Variants in FARS2 observed in about 807,000 individuals in gnomAD.
The protein encoded by FARS2 is phenylalanyl-tRNA synthetase 2, mitochondrial.
In FARS2, 40 loss-of-function variants were observed where a neutral mutation model predicts 46.4. The ratio of observed to expected loss-of-function variants is 0.86; its 90% CI spans 0.67 to 1.12. The LOEUF is 1.12. Among genes scored for constraint, FARS2 ranks in the 50% most tolerant of loss-of-function variants. The probability of loss-of-function intolerance (pLI) is 0.00; values close to 1 mark genes in which losing one functional copy is unlikely to be tolerated. For missense variants in FARS2, 513 were observed against 567.9 expected (o/e 0.90, Z 0.98); for synonymous variants, 234 against 214.9 (o/e 1.09, Z -0.78).
chr6:5,769,197 G>C (rs955761019), intron 6 of FARS2, among the ~76,000 whole-genome samples: 3 of 152,178 alleles, frequency 2.0e-5, no homozygotes, highest in African/African-American at 7.2e-5. Context: ...TTTGCATGTG[G>C]ATATCCAGTT....
intron 1 of FARS2, among the ~76,000 whole-genome samples, chr6:5,340,885 C>T (rs1340592430): frequency 1.3e-5 from 2 of 151,898 alleles, no homozygotes; most frequent in Non-Finnish European, 2.9e-5. Flanking sequence ...CGGTGGCTCA[C>T]GCCTGTAATC....
At chr6:5,431,667 A>G (rs569369022) in intron 4 of FARS2, 23 of 533,194 alleles carry the variant, frequency 4.3e-5, no homozygotes, top group Middle Eastern at 6.4e-4. Flanking sequence ...CCCTCTGCAT[A>G]GGCGGCGCCA....
Position 5,713,407 on chromosome 6 carries a change from T to G in FARS2, c.1218-57884T>G, listed in dbSNP as rs564922445. Among the ~76,000 whole-genome samples, 35 of 152,366 alleles carry G rather than the reference T, an allele frequency of 2.3e-4. No individual in the cohort carries two copies. The South Asian group carries it at 6.8e-3, about 30-fold the overall frequency. ...CAAATGCTTAAAAATGTGTGAATTC[T>G]GGATATTATCACAGAAAAATGAAGT... On this transcript the variant is annotated intron_variant, in intron 6 of 6. Transcript: ENST00000274680.
At chr6:5,488,376 T>C (rs1470504579) in intron 4 of FARS2, among the ~76,000 whole-genome samples, 3 of 152,212 alleles carry the variant, frequency 2.0e-5, no homozygotes, top group Non-Finnish European at 4.4e-5. Context: ...CTATCAGAGC[T>C]GAAGGATTTA....
intron 3 of FARS2, among the ~76,000 whole-genome samples, chr6:5,415,310 CTTTTT>C (rs773981175): frequency 0.013 from 708 of 53,690 alleles, 5 homozygotes; most frequent in Middle Eastern, 0.079. Flanking sequence ...CTTTTCTTTT[CTTTTT>C]TTTTTTTTTT....
chr6:5,591,066 T>C (rs950095614), intron 5 of FARS2, among the ~76,000 whole-genome samples: 36 of 152,202 alleles, frequency 2.4e-4, no homozygotes, highest in African/African-American at 8.4e-4. Flanking sequence ...ACATTACACT[T>C]TCACAATCAA....
intron 6 of FARS2, among the ~76,000 whole-genome samples, chr6:5,678,727 G>A: frequency 6.6e-6 from 1 of 152,200 alleles, no homozygotes; most frequent in East Asian, 1.9e-4. Flanking sequence ...ACCTGGCTGA[G>A]TGGTATGGAA....
chr6:5,534,622 T>C (rs905645019), intron 4 of FARS2, among the ~76,000 whole-genome samples: 51 of 152,348 alleles, frequency 3.3e-4, no homozygotes, highest in African/African-American at 1.2e-3. Context: ...TAATATTCCA[T>C]TGTGTGTAAG....
chr6:5,283,226 A>G (rs538208896), intron 1 of FARS2, among the ~76,000 whole-genome samples: 1 of 152,204 alleles, frequency 6.6e-6, no homozygotes, highest in African/African-American at 2.4e-5. Context: ...TACAAAAATT[A>G]GCTGGGCATG....
At chr6:5,639,715 G>GTAAGC (rs140344880) in intron 6 of FARS2, among the ~76,000 whole-genome samples, 8,785 of 152,262 alleles carry the variant, frequency 0.058, 361 homozygotes, top group Non-Finnish European at 0.092. Context: ...GCTCTTGAGT[G>GTAAGC]TAAGCGCTTG....
chr6:5,393,507 A>AG (rs1447658417), intron 2 of FARS2, among the ~76,000 whole-genome samples: 1 of 152,064 alleles, frequency 6.6e-6, no homozygotes, highest in East Asian at 1.9e-4. Flanking sequence ...ATACAAAAAA[A>AG]ATTAGCTGGG....
chr6:5,601,334 C>A (rs900981443), intron 5 of FARS2, among the ~76,000 whole-genome samples: 4 of 151,814 alleles, frequency 2.6e-5, no homozygotes, highest in Non-Finnish European at 4.4e-5. Context: ...CCAGCCTGAC[C>A]AACATGGAGA....
chr6:5,752,202 A>C (rs1761986704), intron 6 of FARS2, among the ~76,000 whole-genome samples: 1 of 152,220 alleles, frequency 6.6e-6, no homozygotes, highest in Non-Finnish European at 1.5e-5. Context: ...AAATCTGTGC[A>C]AAATTAGAGC....
chr6:5,593,358 C>T (rs1774028832), intron 5 of FARS2, among the ~76,000 whole-genome samples: 1 of 151,102 alleles, frequency 6.6e-6, no homozygotes, highest in Admixed American at 6.6e-5. Context: ...ACCCAGTAAA[C>T]AGTTATCTTC....
intron 4 of FARS2, among the ~76,000 whole-genome samples, chr6:5,480,612 C>T (rs1766393268): frequency 6.6e-6 from 1 of 152,180 alleles, no homozygotes; most frequent in African/African-American, 2.4e-5. Flanking sequence ...GTAAGAATGA[C>T]GGTTTCAAGC....
intron 4 of FARS2, among the ~76,000 whole-genome samples, chr6:5,498,322 G>T (rs138053759): frequency 6.6e-6 from 1 of 152,064 alleles, no homozygotes; most frequent in African/African-American, 2.4e-5. Context: ...CCTTTTATTC[G>T]TGTCACTAGG....
chr6:5,705,114 G>A (rs1758661439), intron 6 of FARS2, among the ~76,000 whole-genome samples: 1 of 152,128 alleles, frequency 6.6e-6, no homozygotes, highest in African/African-American at 2.4e-5. Flanking sequence ...GCTACATTTG[G>A]TCATTCAAGA....
chr6:5,441,231 A>G (rs1212837746), intron 4 of FARS2, among the ~76,000 whole-genome samples: 3 of 151,770 alleles, frequency 2.0e-5, no homozygotes, highest in Non-Finnish European at 4.4e-5. Context: ...CACTCAGTCC[A>G]TTTTCTAATG....
At chr6:5,348,681 T>C (rs962871186) in intron 1 of FARS2, among the ~76,000 whole-genome samples, 13 of 151,570 alleles carry the variant, frequency 8.6e-5, no homozygotes, top group African/African-American at 1.9e-4. Flanking sequence ...CTTTACGGTA[T>C]TTGGAGACAA....
Sources: allele counts gnomAD v4.1 joint callset (sites outside exome capture counted in the v4.1 genomes callset), GRCh38; gene constraint gnomAD v4.1.1; transcripts MANE v1.5; gene names NCBI Gene and HGNC (gene_info 2026-07-23, HGNC 2026-07-21).